Variants in ZNF675 observed in about 807,000 individuals in gnomAD.
ZNF675 encodes the protein zinc finger protein 675, also known as TRAF6 inhibitory zinc finger.
ZNF675 carries 36 observed loss-of-function variants against 56.1 expected under a neutral mutation model. The ratio of observed to expected loss-of-function variants is 0.64; its 90% CI spans 0.49 to 0.85. The LOEUF (loss-of-function observed/expected upper bound fraction) is 0.85, where lower values mean the gene tolerates loss of function less well. Ranked by LOEUF, ZNF675 falls within the 40% of genes least tolerant of loss-of-function variation. The pLI is 0.00. For synonymous variants in ZNF675, 200 were observed against 218.9 expected (o/e 0.91, Z 0.76); for missense variants, 663 against 654.2 (o/e 1.01, Z -0.15).
At position 23,652,933 on chromosome 19, in the gene ZNF675, C is replaced by A; in HGVS notation, c.*293G>T. 4.3e-6 allele frequency: 1 copy of A among 231,382 alleles called. No individual in the cohort carries two copies. The highest frequency in any genetic ancestry group is 8.4e-6 in the Non-Finnish European group (1 of 118,908). 14.3% of individuals were successfully genotyped at this position (231,382 alleles called of 1,614,324 possible). ...GCATTTATAATGCTTTTATTAAGTA[C>A]CAACATTCTGATATTAAGATGTCAA... On this transcript the variant is annotated 3_prime_UTR_variant, in exon 4 of 4. Transcript: ENST00000359788.
intron 3 of ZNF675, among the ~76,000 whole-genome samples, chr19:23,657,807 A>G (rs1313297418): frequency 1.3e-5 from 2 of 152,208 alleles, no homozygotes; most frequent in Non-Finnish European, 2.9e-5. Context: ...TACATACAAG[A>G]TAAGCCATAA....
chr19:23,655,145 G>C (rs1421947942), intron 3 of ZNF675: 1 of 152,604 alleles, frequency 6.6e-6, no homozygotes, highest in African/African-American at 2.4e-5. Flanking sequence ...ACTAAGGCAG[G>C]AGAACTGCTT....
intron 3 of ZNF675, among the ~76,000 whole-genome samples, chr19:23,660,341 G>C (rs1968059370): frequency 6.6e-6 from 1 of 152,184 alleles, no homozygotes; most frequent in Non-Finnish European, 1.5e-5. Context: ...TGTGCCCATT[G>C]TCAATGCTGC....
At chr19:23,656,198 T>C (rs1377064020) in intron 3 of ZNF675, 1 of 152,206 alleles carries the variant, frequency 6.6e-6, no homozygotes, top group Non-Finnish European at 1.5e-5. Context: ...TTGAAAAATA[T>C]ATGAAAATAA....
intron 1 of ZNF675, among the ~76,000 whole-genome samples, chr19:23,673,690 G>T (rs184155660): frequency 2.4e-3 from 363 of 152,288 alleles, no homozygotes; most frequent in African/African-American, 8.4e-3. Context: ...GGGGCAAGGG[G>T]AGGGAGAGCA....
chr19:23,665,294 G>C (rs1333870133), intron 1 of ZNF675, among the ~76,000 whole-genome samples: 1 of 144,194 alleles, frequency 6.9e-6, no homozygotes, highest in African/African-American at 2.6e-5. Context: ...GCAGTGAGCT[G>C]AAATCGCACC....
Position 23,662,070 on chromosome 19 carries a change from T to G in ZNF675, c.226+44A>C, listed in dbSNP as rs201256233. 40 of 1,397,362 alleles carry G rather than the reference T, an allele frequency of 2.9e-5. No individual in the cohort carries two copies. In the African/African-American group the frequency reaches 5.2e-4, roughly 18 times the overall value. 86.6% of individuals were successfully genotyped at this position (1,397,362 alleles called of 1,614,324 possible). A position where few individuals can be genotyped will look rare whatever the true frequency, so the allele number is the denominator to read the frequency against. On this transcript the variant is annotated intron_variant, in intron 3 of 3. Coordinates refer to ENST00000359788, the MANE Select transcript of ZNF675 (RefSeq NM_138330.3). ...TGGCTTTCTCTTTGACCTTTGGACC[T>G]CTCATCAGTGTCACCTGTTGTATTC...
At chr19:23,670,750 C>G (rs1968217735) in intron 1 of ZNF675, among the ~76,000 whole-genome samples, 1 of 152,148 alleles carries the variant, frequency 6.6e-6, no homozygotes. Context: ...AGCTAGGAAG[C>G]TATTCTGAGA....
chr19:23,666,910 TCGTC>T (rs879370152), intron 1 of ZNF675, among the ~76,000 whole-genome samples: 5 of 151,810 alleles, frequency 3.3e-5, no homozygotes, highest in Admixed American at 6.6e-5. Flanking sequence ...CTGAGACCTT[TCGTC>T]TGTTTGTTTT....
chr19:23,677,151 T>G (rs1968308813), intron 1 of ZNF675, among the ~76,000 whole-genome samples: 1 of 149,858 alleles, frequency 6.7e-6, no homozygotes, highest in South Asian at 2.1e-4. Context: ...CTCTCACCAC[T>G]CCTATTAAAC....
At chr19:23,662,622 A>G (rs77628696) in intron 2 of ZNF675, among the ~76,000 whole-genome samples, 4,383 of 152,338 alleles carry the variant, frequency 0.029, 76 homozygotes, top group Middle Eastern at 0.048. Flanking sequence ...TCATTTATGC[A>G]AAGCATACAT....
At position 23,687,165 on chromosome 19, in the gene ZNF675, T is replaced by C; in HGVS notation, c.-132A>G. On this transcript the variant is annotated 5_prime_UTR_variant, in exon 1 of 4. Coordinates refer to ENST00000359788, the MANE Select transcript of ZNF675 (RefSeq NM_138330.3). The stretch of plus-strand genomic sequence containing the variant: ...TGAAAGCGAGACCTGGAGCTCCGGC[T>C]GCAGCGAGAGACAAAGGCGCCGCCA... 6 of 1,149,288 alleles carry C rather than the reference T, an allele frequency of 5.2e-6. No homozygotes were observed. The highest frequency in any genetic ancestry group is 7.7e-6 in the Non-Finnish European group (6 of 780,120). The allele number at this position is 1,149,288 out of a possible 1,614,324, so 71.2% of individuals were successfully genotyped here. A position where few individuals can be genotyped will look rare whatever the true frequency, so the allele number is the denominator to read the frequency against.
At chr19:23,668,627 AG>A (rs1568292743) in intron 1 of ZNF675, among the ~76,000 whole-genome samples, 1 of 152,238 alleles carries the variant, frequency 6.6e-6, no homozygotes, top group Admixed American at 6.5e-5. Flanking sequence ...CACGGAGGCG[AG>A]GGAAGACTCA....
chr19:23,656,455 G>A (rs909769127), intron 3 of ZNF675: 1 of 152,080 alleles, frequency 6.6e-6, no homozygotes, highest in African/African-American at 2.4e-5. Context: ...AAATTAGCTG[G>A]GTGTGGTGGC....
At position 23,653,932 on chromosome 19, in the gene ZNF675, T is replaced by C. The variant is rs1353330892; in HGVS notation, c.1001A>G (p.His334Arg). 6.2e-7 allele frequency: 1 copy of C among 1,613,538 alleles called. No individual in the cohort carries two copies. The highest frequency in any genetic ancestry group is 1.1e-5 in the South Asian group (1 of 91,070). ...SSTLTTHKRI[H>R]TGEKPYKCEE... ...ACATTTGTAGGGTTTTTCTCCAGTA[T>C]GAATTCTCTTATGTGTAGTAAGGGT... The change falls in exon 4 of 4, where the codon CAT becomes CGT. Residue 334 changes from histidine to arginine, a missense_variant. By Grantham distance (29) the His-to-Arg change is conservative. Coordinates refer to ENST00000359788, the MANE Select transcript of ZNF675 (RefSeq NM_138330.3).
At chr19:23,662,966 G>A (rs971441652) in intron 2 of ZNF675, 66 bp downstream of exon 2, 1 of 1,427,760 alleles carries the variant, frequency 7.0e-7, no homozygotes, top group Non-Finnish European at 9.3e-7. Flanking sequence ...CCTGGTGACA[G>A]AGCCAGACTC....
chr19:23,664,821 C>A (rs919069982), intron 1 of ZNF675, among the ~76,000 whole-genome samples: 2 of 152,010 alleles, frequency 1.3e-5, no homozygotes, highest in African/African-American at 4.8e-5. Context: ...CATAATGGTA[C>A]GTGCCTGTAA....
In ZNF675 at chr19:23,673,178, A is replaced by G. The variant is rs73551104; in HGVS notation, c.4-10020T>C. ...TAATTTCCAAAATTTCAAGACCTAG[A>G]TTCAGAATTTGGAGCTGCAGATTTA... is the stretch of plus-strand genomic sequence containing the variant. On this transcript the variant is annotated intron_variant, in intron 1 of 3. Transcript: ENST00000359788. 1.2e-3 allele frequency among the ~76,000 whole-genome samples: 190 copies of G among 152,332 alleles called. 2 individuals are homozygous for G. The highest frequency in any genetic ancestry group is 4.1e-3 in the African/African-American group (170 of 41,574).
intron 1 of ZNF675, among the ~76,000 whole-genome samples, chr19:23,685,934 A>C (rs1344896573): frequency 1.3e-5 from 2 of 152,198 alleles, no homozygotes; most frequent in Non-Finnish European, 2.9e-5. Flanking sequence ...AAAATAACTA[A>C]GTAGCAGGCA....
Sources: gnomAD v4.1 joint callset for allele counts (sites outside exome capture counted in the v4.1 genomes callset) on GRCh38, gnomAD v4.1.1 for gene constraint, MANE v1.5 for transcripts, NCBI Gene and HGNC (gene_info 2026-07-23, HGNC 2026-07-21) for gene names.